Variants in NOP9 observed in about 807,000 individuals in gnomAD.
NOP9 encodes the protein nucleolar protein 9.
In NOP9, 50 loss-of-function variants were observed where a neutral mutation model predicts 63.0. The observed-to-expected ratio is 0.79, with a 90% CI of 0.63 to 1.00. The LOEUF (loss-of-function observed/expected upper bound fraction) is 1.00. NOP9 is among the 50% of genes least tolerant of loss of function. The pLI is 0.00. For synonymous variants in NOP9, 343 were observed against 332.8 expected, an observed-to-expected ratio of 1.03 and a Z score of -0.33; for missense variants, 758 against 803.0, an observed-to-expected ratio of 0.94 and a Z score of 0.68.
chr14:24,299,825 G>A (rs939802048), upstream of NOP9: 1 of 1,212,556 alleles, frequency 8.2e-7, no homozygotes, highest in African/African-American at 1.5e-5. Flanking sequence ...GCGGAACTAT[G>A]ACGTAGTAGC....
upstream of NOP9, chr14:24,299,135 G>A (rs1225602339): frequency 1.2e-6 from 2 of 1,601,824 alleles, no homozygotes; most frequent in Admixed American, 3.4e-5. Flanking sequence ...GCAGGTCTGT[G>A]GAAGCAAAGA....
Position 24,300,832 on chromosome 14 carries a change from C to T in NOP9, c.672C>T (p.Ala224=), listed in dbSNP as rs370196427. 6.2e-7 allele frequency: 1 copy of T among 1,613,578 alleles called. No individual in the cohort carries two copies. Among genetic ancestry groups the T allele is most frequent in the Non-Finnish European group, 8.5e-7 (1 of 1,179,582 alleles). Residue 224 remains alanine, a synonymous_variant, in exon 2 of 10, where the codon GCC becomes GCT. Transcript: ENST00000267425. ...LGGTILESER[A]RPRGSQSSEA... ...GGACTATTCTGGAGTCTGAGAGAGC[C>T]AGGCCCCGTGGTTCCCAATCATCTG...
chr14:24,283,525 G>C, the NOP9 span, among the ~76,000 whole-genome samples: 1 of 152,138 alleles, frequency 6.6e-6, no homozygotes, highest in Non-Finnish European at 1.5e-5. Context: ...CCTTGAGCTG[G>C]GGAGGTACAG....
the NOP9 span, chr14:24,291,633 A>G: frequency 6.2e-7 from 1 of 1,614,028 alleles, no homozygotes; most frequent in South Asian, 1.1e-5. Context: ...GAACTGAAAC[A>G]CAGGGGCAGA....
chr14:24,274,332 A>G, the NOP9 span, among the ~76,000 whole-genome samples: 5 of 152,310 alleles, frequency 3.3e-5, no homozygotes, highest in South Asian at 1.0e-3. Flanking sequence ...AGTGAGTCTC[A>G]TGAAAAAATC....
the NOP9 span, among the ~76,000 whole-genome samples, chr14:24,274,517 G>A: frequency 4.6e-5 from 7 of 152,118 alleles, no homozygotes; most frequent in Non-Finnish European, 1.0e-4. Context: ...ATGATAATAA[G>A]CCTCTTGCTT....
the NOP9 span, among the ~76,000 whole-genome samples, chr14:24,275,766 G>C: frequency 6.6e-6 from 1 of 152,222 alleles, no homozygotes; most frequent in Non-Finnish European, 1.5e-5. Flanking sequence ...AGCTGTCTCC[G>C]GGCCATGTGC....
chr14:24,287,039 G>A, the NOP9 span, among the ~76,000 whole-genome samples: 282 of 152,056 alleles, frequency 1.9e-3, 1 homozygote, highest in African/African-American at 6.6e-3. Context: ...ACAGGTGCAC[G>A]CCACCACACC....
chr14:24,274,703 GGTTCA>G, the NOP9 span, among the ~76,000 whole-genome samples: 4 of 151,426 alleles, frequency 2.6e-5, no homozygotes, highest in Admixed American at 6.6e-5. Context: ...CTGCCTCCCA[GGTTCA>G]TGCCATTCTC....
the NOP9 span, among the ~76,000 whole-genome samples, chr14:24,277,553 G>A: frequency 6.6e-6 from 1 of 152,190 alleles, no homozygotes; most frequent in Non-Finnish European, 1.5e-5. Flanking sequence ...CTGTGCTCCC[G>A]AAGCCATAAT....
the NOP9 span, chr14:24,290,971 GACAAAT>G: frequency 6.2e-7 from 1 of 1,614,122 alleles, no homozygotes; most frequent in Admixed American, 1.7e-5. Context: ...AGAGCTCAAA[GACAAAT>G]AGTCTTGGAC....
chr14:24,277,362 G>A, the NOP9 span, among the ~76,000 whole-genome samples: 4 of 152,116 alleles, frequency 2.6e-5, no homozygotes, highest in South Asian at 2.1e-4. Flanking sequence ...CAGCGTGGGC[G>A]TCAGGTGTGC....
Position 24,307,495 on chromosome 14 carries a change from G to A in NOP9, c.*2400G>A, listed in dbSNP as rs747631367. 8.1e-6 allele frequency: 13 copies of A among 1,613,776 alleles called. No homozygotes were observed. Among genetic ancestry groups the A allele is most frequent in the African/African-American group, 4.0e-5 (3 of 74,876 alleles). Reference sequence around the variant, plus strand: ...GGTCCAGACCCTCCGTCCAAACTCCGAGCTTATATTAGATACTGACCTGGT... The same window carrying A: ...GGTCCAGACCCTCCGTCCAAACTCCAAGCTTATATTAGATACTGACCTGGT... On this transcript the variant is annotated 3_prime_UTR_variant, in exon 10 of 10. Coordinates refer to ENST00000267425, the MANE Select transcript of NOP9 (RefSeq NM_174913.3).
the NOP9 span, among the ~76,000 whole-genome samples, chr14:24,272,021 C>T: frequency 6.6e-6 from 1 of 152,200 alleles, no homozygotes; most frequent in Non-Finnish European, 1.5e-5. Flanking sequence ...CACCTCCACC[C>T]CTAAATGTTG....
At chr14:24,300,328 C>A in intron 1 of NOP9, 80 bp from the exon 2 acceptor site, 1 of 1,550,674 alleles carries the variant, frequency 6.4e-7, no homozygotes, top group Non-Finnish European at 8.8e-7. Context: ...GCCTCCGACC[C>A]ACGACCCTTG....
the NOP9 span, among the ~76,000 whole-genome samples, chr14:24,272,319 A>G: frequency 6.6e-6 from 1 of 152,268 alleles, no homozygotes; most frequent in African/African-American, 2.4e-5. Flanking sequence ...CCTGTTGGAT[A>G]TCACCTGGTG....
At chr14:24,271,320 C>T in the NOP9 span, 2 of 518,786 alleles carry the variant, frequency 3.9e-6, no homozygotes, top group South Asian at 5.3e-5. Flanking sequence ...GGTGAGCACC[C>T]GGACTAGGAC....
At chr14:24,302,178 C>T in intron 4 of NOP9, 54 bp from the exon 5 acceptor site, 1 of 1,599,078 alleles carries the variant, frequency 6.3e-7, no homozygotes, top group South Asian at 1.1e-5. Context: ...TGTAGTGCAA[C>T]TGTATTTTGC....
the NOP9 span, chr14:24,291,927 T>G: frequency 3.3e-6 from 2 of 605,900 alleles, no homozygotes; most frequent in Admixed American, 5.9e-5. Flanking sequence ...GCATGGTCTT[T>G]GGAGCTAGAC....
Sources: allele counts gnomAD v4.1 joint callset (sites outside exome capture counted in the v4.1 genomes callset), GRCh38; gene constraint gnomAD v4.1.1; transcripts MANE v1.5; gene names NCBI Gene and HGNC (gene_info 2026-07-23, HGNC 2026-07-21).